The following UGT1A5 variants were observed in gnomAD, a reference collection of about 807,000 sequenced individuals.
The protein encoded by UGT1A5 is UDP-glucuronosyltransferase 1A5.
A neutral mutation model predicts 40.3 loss-of-function variants in UGT1A5; 29 were observed. That is an observed-to-expected ratio of 0.72 (90% CI 0.54 to 0.98). The LOEUF (loss-of-function observed/expected upper bound fraction) is 0.98, where lower values mean the gene tolerates loss of function less well. Ranked by LOEUF, UGT1A5 falls within the 50% of genes least tolerant of loss-of-function variation. The probability of loss-of-function intolerance (pLI) is 0.00; values close to 1 mark genes in which losing one functional copy is unlikely to be tolerated. For synonymous variants in UGT1A5, 257 were observed against 262.5 expected (o/e 0.98, Z 0.20); for missense variants, 678 against 677.9 (o/e 1.00, Z 0.00).
intron 1 of UGT1A5, among the ~76,000 whole-genome samples, chr2:233,731,588 T>C (rs2078180230): frequency 6.6e-6 from 1 of 152,212 alleles, no homozygotes; most frequent in African/African-American, 2.4e-5. Flanking sequence ...TACAGCTTTG[T>C]CCATCTCCCT....
chr2:233,747,504 C>T, intron 1 of UGT1A5: 2 of 1,608,416 alleles, frequency 1.2e-6, no homozygotes, highest in South Asian at 2.2e-5. Flanking sequence ...GGGCCACACT[C>T]AACTGTACTT....
At chr2:233,753,957 TAA>T (rs1695357056) in intron 1 of UGT1A5, among the ~76,000 whole-genome samples, 1 of 152,156 alleles carries the variant, frequency 6.6e-6, no homozygotes, top group Non-Finnish European at 1.5e-5. Flanking sequence ...TCCAAAATAT[TAA>T]GAGAATAACG....
chr2:233,737,176 C>CG (rs2078848522), intron 1 of UGT1A5, among the ~76,000 whole-genome samples: 1 of 152,196 alleles, frequency 6.6e-6, no homozygotes, highest in South Asian at 2.1e-4. Context: ...GAGTCTATAG[C>CG]GGCAGTAGCC....
chr2:233,712,982 T>C lies in UGT1A5; in HGVS notation c.-10T>C. 2 of 1,613,208 alleles carry C rather than the reference T, an allele frequency of 1.2e-6. No individual in the cohort carries two copies. Among genetic ancestry groups the C allele is most frequent in the Non-Finnish European group, 1.7e-6 (2 of 1,180,036 alleles). ...GGGTGGACAGTCAGCTGTCGGTGGCTTCTGCTGAGATGGCCACAGGACTCC... is the reference window on the plus strand; with the variant it reads ...GGGTGGACAGTCAGCTGTCGGTGGCCTCTGCTGAGATGGCCACAGGACTCC... On this transcript the variant is annotated 5_prime_UTR_variant, in exon 1 of 5. Transcript: ENST00000373414.
At position 233,713,311 on chromosome 2, in the gene UGT1A5, T is replaced by G; in HGVS notation, c.320T>G (p.Leu107Arg). The change falls in exon 1 of 5, where the codon CTG becomes CGG. Residue 107 changes from leucine to arginine, a missense_variant. Transcript: ENST00000373414. ...TQSFFETEHL[L>R]MKFSRRMAIM... ...TCGTTCTTTGAAACAGAACATCTTC[T>G]GATGAAATTTTCTAGAAGAATGGCA... 1 of 1,614,252 alleles carries G rather than the reference T, an allele frequency of 6.2e-7. No homozygotes were observed. Among genetic ancestry groups the G allele is most frequent in the East Asian group, 2.2e-5 (1 of 44,886 alleles).
intron 1 of UGT1A5, among the ~76,000 whole-genome samples, chr2:233,715,004 G>T (rs1008928974): frequency 2.6e-5 from 4 of 152,136 alleles, no homozygotes; most frequent in African/African-American, 4.8e-5. Context: ...AGCCTCCCAA[G>T]TAGCTGGAAC....
chr2:233,728,301 G>T (rs1339327162), intron 1 of UGT1A5, among the ~76,000 whole-genome samples: 6 of 152,216 alleles, frequency 3.9e-5, no homozygotes, highest in Non-Finnish European at 8.8e-5. Context: ...AATTCAGACT[G>T]TGCAAGATCT....
At chr2:233,771,398 A>G (rs1700304180) in intron 4 of UGT1A5, 1 of 152,164 alleles carries the variant, frequency 6.6e-6, no homozygotes, top group Non-Finnish European at 1.5e-5. Context: ...TGATTGGGCA[A>G]TGAACACTGT....
chr2:233,729,479 A>G, intron 1 of UGT1A5: 2 of 1,614,240 alleles, frequency 1.2e-6, no homozygotes, highest in Non-Finnish European at 1.7e-6. Context: ...GCAATGTTGA[A>G]CAATATGTCT....
At chr2:233,754,816 C>A (rs1436374253) in intron 1 of UGT1A5, 2 of 1,325,550 alleles carry the variant, frequency 1.5e-6, no homozygotes, top group Admixed American at 3.9e-5. Context: ...GAAAAACCAC[C>A]CTCAAAAGCT....
chr2:233,762,781 ATCTAC>A (rs1211615114), intron 1 of UGT1A5, among the ~76,000 whole-genome samples: 2 of 150,458 alleles, frequency 1.3e-5, no homozygotes, highest in African/African-American at 4.9e-5. Flanking sequence ...CTAGCTGATT[ATCTAC>A]TCATTACTCA....
At chr2:233,761,160 T>C (rs1333134836) in intron 1 of UGT1A5, 2 of 1,614,242 alleles carry the variant, frequency 1.2e-6, no homozygotes, top group Non-Finnish European at 8.5e-7. Flanking sequence ...AGGTGTGTAT[T>C]GGAGTGGGAC....
At chr2:233,767,774 T>A in intron 2 of UGT1A5, 75 bp from the exon 3 acceptor site, 1 of 1,612,214 alleles carries the variant, frequency 6.2e-7, no homozygotes, top group Non-Finnish European at 8.5e-7. Context: ...CCCTGTTTTC[T>A]AGTTAGTATA....
intron 1 of UGT1A5, among the ~76,000 whole-genome samples, chr2:233,725,596 A>G (rs1198733285): frequency 6.6e-6 from 1 of 152,166 alleles, no homozygotes; most frequent in East Asian, 1.9e-4. Context: ...ACTATTTGAC[A>G]TAGTTTTTTC....
chr2:233,761,186 T>C, intron 1 of UGT1A5: 1 of 1,614,212 alleles, frequency 6.2e-7, no homozygotes. Context: ...CATGCGTATA[T>C]TCTTTCAGAT....
intron 1 of UGT1A5, among the ~76,000 whole-genome samples, chr2:233,752,050 A>C (rs1396714360): frequency 6.6e-6 from 1 of 152,244 alleles, no homozygotes; most frequent in Non-Finnish European, 1.5e-5. Context: ...TGTTGTGTGA[A>C]TGATTTCCCG....
chr2:233,725,835 CTATGT>C (rs1185160672), intron 1 of UGT1A5, among the ~76,000 whole-genome samples: 4 of 152,052 alleles, frequency 2.6e-5, no homozygotes, highest in Admixed American at 2.0e-4. Flanking sequence ...ATTGCTACTC[CTATGT>C]TATTTTTTCA....
At position 233,725,216 on chromosome 2, in the gene UGT1A5, AGAG is replaced by A. The variant is rs1223079485; in HGVS notation, c.867+11363_867+11365del. ...CAGAGGCAGAGGCAGAGGCAGAGGCAGAGGAGGCAGAGGCAGAGGAGGCAGAGG... is the reference window on the plus strand; with the variant it reads ...CAGAGGCAGAGGCAGAGGCAGAGGCAGAGGCAGAGGCAGAGGAGGCAGAGG... On this transcript the variant is annotated intron_variant, in intron 1 of 4. Transcript: ENST00000373414. 1.2e-3 allele frequency among the ~76,000 whole-genome samples: 54 copies of A among 45,286 alleles called. 21 individuals carry two copies. The highest frequency in any genetic ancestry group is 6.7e-3 in the African/African-American group (53 of 7,866). 29.7% of individuals were successfully genotyped at this position (45,286 alleles called of 152,430 possible). A position where few individuals can be genotyped will look rare whatever the true frequency, so the allele number is the denominator to read the frequency against.
chr2:233,724,959 G>A (rs563380533), intron 1 of UGT1A5, among the ~76,000 whole-genome samples: 3 of 142,486 alleles, frequency 2.1e-5, no homozygotes, highest in African/African-American at 8.2e-5. Context: ...CACCTCGGGA[G>A]GCCGAGGTTG....
Sources: allele counts gnomAD v4.1 joint callset (sites outside exome capture counted in the v4.1 genomes callset), GRCh38; gene constraint gnomAD v4.1.1; transcripts MANE v1.5; gene names NCBI Gene and HGNC (gene_info 2026-07-23, HGNC 2026-07-21).